The following PPHLN1 variants were observed in gnomAD, a reference collection of about 807,000 sequenced individuals.
The protein encoded by PPHLN1 is periphilin 1.
In PPHLN1, 29 loss-of-function variants were observed where a neutral mutation model predicts 51.3. That is an observed-to-expected ratio of 0.57 (90% confidence interval 0.42 to 0.77). The LOEUF is 0.77. Ranked by LOEUF, PPHLN1 falls within the 30% of genes least tolerant of loss-of-function variation. The pLI is 0.00. For missense variants in PPHLN1, 436 were observed against 438.4 expected, an observed-to-expected ratio of 0.99 and a Z score of 0.05; for synonymous variants, 147 against 147.8, an observed-to-expected ratio of 0.99 and a Z score of 0.04.
At chr12:42,362,925 G>A (rs946902571) in intron 4 of PPHLN1, among the ~76,000 whole-genome samples, 2 of 152,272 alleles carry the variant, frequency 1.3e-5, no homozygotes. Flanking sequence ...CTCCCTGTTT[G>A]TCAAACAGCA....
At chr12:42,384,651 T>A (rs879890492) in intron 5 of PPHLN1, among the ~76,000 whole-genome samples, 9 of 152,242 alleles carry the variant, frequency 5.9e-5, no homozygotes, top group Non-Finnish European at 1.0e-4. Context: ...TGTCTTTCTA[T>A]GAACCTTTTC....
At chr12:42,422,322 GAGA>G (rs1407927431) in intron 9 of PPHLN1, among the ~76,000 whole-genome samples, 2 of 152,182 alleles carry the variant, frequency 1.3e-5, no homozygotes, top group African/African-American at 4.8e-5. Context: ...TGTGTATGAG[GAGA>G]AGAATGGTTT....
chr12:42,366,176 A>G (rs1565840058), intron 4 of PPHLN1, among the ~76,000 whole-genome samples: 1 of 151,358 alleles, frequency 6.6e-6, no homozygotes, highest in African/African-American at 2.4e-5. Flanking sequence ...AGAAAATTAT[A>G]CTAGTTGATA....
At chr12:42,426,681 C>T (rs2081528929) in intron 9 of PPHLN1, among the ~76,000 whole-genome samples, 1 of 152,082 alleles carries the variant, frequency 6.6e-6, no homozygotes. Context: ...AGAATTGTAA[C>T]CCACAGCCAT....
At chr12:42,419,272 C>G (rs1291845109) in intron 9 of PPHLN1, among the ~76,000 whole-genome samples, 1 of 152,102 alleles carries the variant, frequency 6.6e-6, no homozygotes, top group Non-Finnish European at 1.5e-5. Flanking sequence ...GATGGAGTCT[C>G]ACTCTGTTGC....
chr12:42,391,366 G>A (rs1209689946), intron 7 of PPHLN1, among the ~76,000 whole-genome samples: 2 of 152,072 alleles, frequency 1.3e-5, no homozygotes, highest in Admixed American at 6.5e-5. Context: ...AACCTCCCAA[G>A]TAGCTGGGAT....
chr12:42,411,819 C>T (rs1353142433), intron 9 of PPHLN1, among the ~76,000 whole-genome samples: 1 of 144,460 alleles, frequency 6.9e-6, no homozygotes, highest in Non-Finnish European at 1.5e-5. Context: ...GCACGAGAAT[C>T]GCTGGCACCC....
rs200678852 is a variant in PPHLN1, at chr12:42,348,298, T to C, written c.73-3587T>C. Among the ~76,000 whole-genome samples the C allele has an allele frequency of 6.7e-3, 983 of 147,572 alleles. 15 individuals are homozygous for C. The East Asian group carries it at 0.082, about 12-fold the overall frequency. ...CTAATTTTTTTTTTTTTTTTTTTTT[T>C]TTTAGTAGAAACGGGGTTTCACCGT... is the stretch of plus-strand genomic sequence containing the variant. On this transcript the variant is annotated intron_variant, in intron 2 of 9. Coordinates refer to ENST00000358314, the MANE Select transcript of PPHLN1 (RefSeq NM_201439.2).
chr12:42,357,083 G>A (rs2074125866), intron 4 of PPHLN1, among the ~76,000 whole-genome samples: 1 of 152,104 alleles, frequency 6.6e-6, no homozygotes, highest in African/African-American at 2.4e-5. Flanking sequence ...AGAGTATGAG[G>A]CCTATACAAG....
At chr12:42,409,264 ACTC>A (rs1014217357) in intron 9 of PPHLN1, among the ~76,000 whole-genome samples, 1 of 151,766 alleles carries the variant, frequency 6.6e-6, no homozygotes, top group African/African-American at 2.4e-5. Flanking sequence ...AAAATGGACA[ACTC>A]CTGTCACTTT....
intron 7 of PPHLN1, among the ~76,000 whole-genome samples, chr12:42,388,815 A>G (rs2077420223): frequency 1.3e-5 from 2 of 152,196 alleles, no homozygotes. Context: ...GGTGGCATGC[A>G]CCTGTAGTCC....
chr12:42,373,823 T>G (rs1165725157), intron 4 of PPHLN1, among the ~76,000 whole-genome samples: 1 of 152,218 alleles, frequency 6.6e-6, no homozygotes, highest in Non-Finnish European at 1.5e-5. Flanking sequence ...TTATAAAAAG[T>G]AGTTATTTAG....
chr12:42,411,858 C>T (rs773421625), intron 9 of PPHLN1, among the ~76,000 whole-genome samples: 7 of 123,234 alleles, frequency 5.7e-5, no homozygotes, highest in Non-Finnish European at 8.1e-5. Context: ...GTGTGGAGAT[C>T]GTGCCCTTGT....
rs570912012 is a variant in PPHLN1 at position 42,390,229 on chromosome 12, A to G, written c.648+2694A>G. ...AAACAGCTTCTTTGTGACAACTTGT[A>G]TCTTTGGAACTTTCCCAGAAGTCTG... On this transcript the variant is annotated intron_variant, in intron 7 of 9. Transcript: ENST00000358314. 5.9e-5 allele frequency among the ~76,000 whole-genome samples: 9 copies of G among 152,224 alleles called. No homozygotes were observed. The South Asian group carries it at 6.2e-4, about 11-fold the overall frequency.
chr12:42,334,321 A>G (rs1340139452), intron 1 of PPHLN1, among the ~76,000 whole-genome samples: 1 of 152,206 alleles, frequency 6.6e-6, no homozygotes, highest in Non-Finnish European at 1.5e-5. Context: ...GAAAAAGTTA[A>G]TTTTTAATTT....
chr12:42,398,813 T>C (rs780067267), intron 8 of PPHLN1, 41 bp from the exon 9 acceptor site: 9 of 1,598,504 alleles, frequency 5.6e-6, no homozygotes, highest in Non-Finnish European at 7.7e-6. Flanking sequence ...TGCTCTATGT[T>C]TTTTAAGAAA....
chr12:42,400,797 TTCACAC>T (rs2078767473), intron 9 of PPHLN1, among the ~76,000 whole-genome samples: 1 of 95,726 alleles, frequency 1.0e-5, no homozygotes, highest in Non-Finnish European at 2.1e-5. Context: ...CTCTCTCTCT[TTCACAC>T]ACACACACAC....
chr12:42,368,797 ATT>A (rs1158469546), intron 4 of PPHLN1, among the ~76,000 whole-genome samples: 2 of 152,198 alleles, frequency 1.3e-5, no homozygotes, highest in African/African-American at 4.8e-5. Context: ...TCATTATTTA[ATT>A]TTTCTTTCCA....
chr12:42,337,482 G>A (rs1251818756), intron 2 of PPHLN1, among the ~76,000 whole-genome samples: 1 of 151,872 alleles, frequency 6.6e-6, no homozygotes, highest in African/African-American at 2.4e-5. Flanking sequence ...TTTTAGTAGA[G>A]ATGGGGTTTC....
Sources: allele counts gnomAD v4.1 joint callset (sites outside exome capture counted in the v4.1 genomes callset), GRCh38; gene constraint gnomAD v4.1.1; transcripts MANE v1.5; gene names NCBI Gene and HGNC (gene_info 2026-07-23, HGNC 2026-07-21).